Variants in WWOX observed in about 807,000 individuals in gnomAD.
The protein encoded by WWOX is WW domain containing oxidoreductase.
Under a neutral mutation model 46.2 loss-of-function variants are expected in WWOX, and 69 were observed. That is an observed-to-expected ratio of 1.49 (90% CI 1.23 to 1.82). The LOEUF (loss-of-function observed/expected upper bound fraction) is 1.82, where lower values mean the gene tolerates loss of function less well. WWOX is among the 40% of genes most tolerant of loss of function. The pLI is 0.00. For synonymous variants in WWOX, 359 were observed against 202.6 expected, an observed-to-expected ratio of 1.77 and a Z score of -6.56; for missense variants, 919 against 542.6, an observed-to-expected ratio of 1.69 and a Z score of -6.89.
intron 8 of WWOX, among the ~76,000 whole-genome samples, chr16:78,921,644 C>G (rs539546652): frequency 6.6e-6 from 1 of 152,268 alleles, no homozygotes; most frequent in South Asian, 2.1e-4. Context: ...ACCTACAGGT[C>G]ATGGAGGTAA....
chr16:79,185,245 C>A (rs938458751), intron 8 of WWOX, among the ~76,000 whole-genome samples: 2 of 152,072 alleles, frequency 1.3e-5, no homozygotes, highest in African/African-American at 4.8e-5. Flanking sequence ...CTGGTGAAGC[C>A]CCCTGAACCA....
chr16:78,146,494 G>A (rs77233353), intron 4 of WWOX, among the ~76,000 whole-genome samples: 1 of 152,100 alleles, frequency 6.6e-6, no homozygotes, highest in Non-Finnish European at 1.5e-5. Context: ...AAGCTCCTCC[G>A]TGCATCCCTC....
At chr16:79,015,570 C>T (rs2047396702) in intron 8 of WWOX, among the ~76,000 whole-genome samples, 1 of 152,102 alleles carries the variant, frequency 6.6e-6, no homozygotes, top group Non-Finnish European at 1.5e-5. Flanking sequence ...CCTGGTTCAA[C>T]TCATGAGGAG....
intron 8 of WWOX, among the ~76,000 whole-genome samples, chr16:79,167,952 G>A (rs1278638371): frequency 6.6e-6 from 1 of 151,862 alleles, no homozygotes; most frequent in Admixed American, 6.6e-5. Flanking sequence ...GCCTATTCTG[G>A]GTATACCACA....
At chr16:78,917,426 A>G (rs1229800859) in intron 8 of WWOX, among the ~76,000 whole-genome samples, 4 of 152,170 alleles carry the variant, frequency 2.6e-5, no homozygotes, top group Non-Finnish European at 5.9e-5. Context: ...GCATTCGTGT[A>G]GGAACTGAGC....
At chr16:78,883,000 T>G (rs2044375979) in intron 8 of WWOX, among the ~76,000 whole-genome samples, 1 of 152,192 alleles carries the variant, frequency 6.6e-6, no homozygotes, top group South Asian at 2.1e-4. Flanking sequence ...CTTTGGCTGC[T>G]CCCGACACAA....
chr16:78,581,544 A>G (rs1239164017), intron 8 of WWOX, among the ~76,000 whole-genome samples: 1 of 152,160 alleles, frequency 6.6e-6, no homozygotes, highest in Non-Finnish European at 1.5e-5. Flanking sequence ...CGTTAATGGT[A>G]ATGATCTTTT....
chr16:79,148,342 A>G (rs1237081727), intron 8 of WWOX, among the ~76,000 whole-genome samples: 1 of 152,192 alleles, frequency 6.6e-6, no homozygotes, highest in Non-Finnish European at 1.5e-5. Flanking sequence ...CTTCCTCCAG[A>G]GAATTTTTTT....
intron 8 of WWOX, among the ~76,000 whole-genome samples, chr16:79,171,731 G>A (rs2050703389): frequency 6.6e-6 from 1 of 151,978 alleles, no homozygotes; most frequent in African/African-American, 2.4e-5. Flanking sequence ...CATTCACGTT[G>A]AAAGCACTTC....
At chr16:79,149,113 T>C (rs990074368) in intron 8 of WWOX, among the ~76,000 whole-genome samples, 1 of 152,296 alleles carries the variant, frequency 6.6e-6, no homozygotes, top group African/African-American at 2.4e-5. Context: ...CTCCTGATCT[T>C]AGGGAGGGGG....
At chr16:78,228,339 C>CTTTT (rs34322106) in intron 5 of WWOX, among the ~76,000 whole-genome samples, 3 of 111,302 alleles carry the variant, frequency 2.7e-5, no homozygotes, top group South Asian at 3.0e-4. Flanking sequence ...CATATTCTCT[C>CTTTT]TTTTTTTTTT....
intron 8 of WWOX, among the ~76,000 whole-genome samples, chr16:78,892,631 C>G (rs2044615715): frequency 6.6e-6 from 1 of 152,228 alleles, no homozygotes; most frequent in African/African-American, 2.4e-5. Flanking sequence ...GTGTGTGAAA[C>G]ACAAGGTCAC....
chr16:78,653,194 G>A (rs1317027449), intron 8 of WWOX, among the ~76,000 whole-genome samples: 1 of 151,626 alleles, frequency 6.6e-6, no homozygotes, highest in Non-Finnish European at 1.5e-5. Context: ...ATTAAACATT[G>A]CTTGAAAAAA....
intron 8 of WWOX, among the ~76,000 whole-genome samples, chr16:78,978,231 C>G (rs930211970): frequency 6.6e-6 from 1 of 152,162 alleles, no homozygotes; most frequent in Non-Finnish European, 1.5e-5. Context: ...GTTGGTTGAC[C>G]CATTCATCCA....
chr16:78,658,230 A>G (rs2047125434), intron 8 of WWOX, among the ~76,000 whole-genome samples: 1 of 152,110 alleles, frequency 6.6e-6, no homozygotes, highest in African/African-American at 2.4e-5. Context: ...TTATCCTCTT[A>G]CAGTTTTGGT....
chr16:78,811,370 C>T (rs946157603), intron 8 of WWOX, among the ~76,000 whole-genome samples: 4 of 152,110 alleles, frequency 2.6e-5, no homozygotes, highest in Non-Finnish European at 5.9e-5. Flanking sequence ...ACTAGAATTC[C>T]TTTGAGAAGC....
chr16:78,120,297 G>A (rs7187936), intron 4 of WWOX, among the ~76,000 whole-genome samples: 21,013 of 152,164 alleles, frequency 0.14, 1,664 homozygotes, highest in East Asian at 0.22. Flanking sequence ...TCAGCCGGGC[G>A]CGGTGGCTCA....
chr16:78,476,812 G>C (rs2084359811), intron 8 of WWOX, among the ~76,000 whole-genome samples: 1 of 152,100 alleles, frequency 6.6e-6, no homozygotes, highest in Non-Finnish European at 1.5e-5. Context: ...AATTGAGATA[G>C]GAAAGACTAA....
At chr16:79,048,938 A>AGTTAAACACAGGTGTCCACTG (rs1243712123) in intron 8 of WWOX, among the ~76,000 whole-genome samples, 1 of 152,100 alleles carries the variant, frequency 6.6e-6, no homozygotes, top group East Asian at 1.9e-4. Flanking sequence ...CAGAGATGGG[A>AGTTAAACACAGGTGTCCACTG]GTTAAACACA....
Sources: gnomAD v4.1 joint callset for allele counts (sites outside exome capture counted in the v4.1 genomes callset) on GRCh38, gnomAD v4.1.1 for gene constraint, MANE v1.5 for transcripts, NCBI Gene and HGNC (gene_info 2026-07-23, HGNC 2026-07-21) for gene names.